GRIP1: variants seen among roughly 807,000 people sequenced by gnomAD.
GRIP1 encodes the protein glutamate receptor-interacting protein 1.
In GRIP1, 45 loss-of-function variants were observed where a neutral mutation model predicts 129.9. That is an observed-to-expected ratio of 0.35 (90% CI 0.27 to 0.44). GRIP1 has a LOEUF of 0.44. GRIP1 is among the 20% of genes least tolerant of loss of function. The pLI is 1.00. For synonymous variants in GRIP1, 530 were observed against 520.8 expected, an observed-to-expected ratio of 1.02 and a Z score of -0.24; for missense variants, 1,196 against 1,396.8, an observed-to-expected ratio of 0.86 and a Z score of 2.29.
chr12:66,714,567 A>C (rs2035810018), intron 1 of GRIP1, among the ~76,000 whole-genome samples: 1 of 152,048 alleles, frequency 6.6e-6, no homozygotes. Flanking sequence ...CCAGCACAAA[A>C]TGTTTACTCC....
chr12:66,814,589 TAAA>T (rs79461500), intron 1 of GRIP1, among the ~76,000 whole-genome samples: 5 of 108,408 alleles, frequency 4.6e-5, no homozygotes, highest in Non-Finnish European at 5.8e-5. Context: ...AGTGATACCA[TAAA>T]AAAAAAAAAA....
At chr12:66,988,676 T>G (rs2042350891) in intron 1 of GRIP1, among the ~76,000 whole-genome samples, 1 of 152,172 alleles carries the variant, frequency 6.6e-6, no homozygotes, top group Non-Finnish European at 1.5e-5. Context: ...CGCACCCAGC[T>G]AAGAACCTGT....
At chr12:67,022,061 TACTTA>T (rs2042875247) in intron 1 of GRIP1, among the ~76,000 whole-genome samples, 1 of 152,182 alleles carries the variant, frequency 6.6e-6, no homozygotes. Context: ...TGTTGATAGA[TACTTA>T]GGTTGATTCC....
chr12:66,561,279 A>G (rs1389585096), intron 2 of GRIP1, among the ~76,000 whole-genome samples: 1 of 152,176 alleles, frequency 6.6e-6, no homozygotes, highest in African/African-American at 2.4e-5. Context: ...ATAACACAGC[A>G]GGTGACTATA....
At chr12:66,860,373 C>T (rs922556274) in intron 1 of GRIP1, among the ~76,000 whole-genome samples, 3 of 152,150 alleles carry the variant, frequency 2.0e-5, no homozygotes, top group Middle Eastern at 3.4e-3. Context: ...GTACCAAACA[C>T]GGGCACTTGG....
At chr12:66,366,302 C>G (rs1056561289) in intron 23 of GRIP1, among the ~76,000 whole-genome samples, 4 of 152,170 alleles carry the variant, frequency 2.6e-5, no homozygotes, top group African/African-American at 9.7e-5. Context: ...GTTCCTGACT[C>G]AGAGAGATAT....
chr12:66,628,155 T>C (rs530840043), intron 1 of GRIP1, among the ~76,000 whole-genome samples: 2 of 152,304 alleles, frequency 1.3e-5, no homozygotes, highest in East Asian at 1.9e-4. Context: ...ATTCTTCAAA[T>C]GTCATCTCTT....
intron 13 of GRIP1, among the ~76,000 whole-genome samples, chr12:66,442,701 T>TA (rs1308120543): frequency 1.3e-4 from 19 of 150,020 alleles, no homozygotes; most frequent in East Asian, 6.1e-4. Flanking sequence ...CAGGCTAATT[T>TA]AAAAAAAATT....
At chr12:66,925,834 G>T (rs1230737675) in intron 1 of GRIP1, among the ~76,000 whole-genome samples, 1 of 152,130 alleles carries the variant, frequency 6.6e-6, no homozygotes, top group Non-Finnish European at 1.5e-5. Flanking sequence ...AGTAGAGACA[G>T]TGTTTCTCCA....
intron 2 of GRIP1, among the ~76,000 whole-genome samples, chr12:66,570,262 T>A (rs546469764): frequency 7.9e-5 from 12 of 152,082 alleles, no homozygotes. Flanking sequence ...GGAATACAGG[T>A]GCATGCCACC....
chr12:66,615,213 C>A (rs1400051619), intron 1 of GRIP1, among the ~76,000 whole-genome samples: 4 of 151,818 alleles, frequency 2.6e-5, no homozygotes, highest in African/African-American at 9.7e-5. Context: ...TAATGATGTA[C>A]AGAAATCCTA....
intron 11 of GRIP1, 52 bp downstream of exon 11, chr12:66,455,357 T>A: frequency 6.4e-7 from 1 of 1,560,662 alleles, no homozygotes; most frequent in Non-Finnish European, 8.8e-7. Flanking sequence ...CAAGGCTCCA[T>A]TGCCCACAGG....
intron 2 of GRIP1, chr12:66,563,848 C>T (rs2062630687): frequency 6.6e-6 from 1 of 152,094 alleles, no homozygotes; most frequent in Non-Finnish European, 1.5e-5. Flanking sequence ...CCCTGAGAAA[C>T]CATTGCAATA....
At chr12:66,952,924 A>T (rs2041780921) in intron 1 of GRIP1, among the ~76,000 whole-genome samples, 1 of 152,232 alleles carries the variant, frequency 6.6e-6, no homozygotes, top group African/African-American at 2.4e-5. Context: ...CAAGTTTACG[A>T]TTAGAGCTAC....
chr12:66,921,995 A>G (rs1269966770), intron 1 of GRIP1, among the ~76,000 whole-genome samples: 1 of 152,232 alleles, frequency 6.6e-6, no homozygotes, highest in Non-Finnish European at 1.5e-5. Context: ...TGCTTCCATA[A>G]ACAGAGACAT....
intron 5 of GRIP1, among the ~76,000 whole-genome samples, chr12:66,519,951 T>G (rs2086065049): frequency 6.6e-6 from 1 of 152,180 alleles, no homozygotes; most frequent in Non-Finnish European, 1.5e-5. Context: ...AATTTAACCC[T>G]CCAAGGTTTA....
intron 1 of GRIP1, among the ~76,000 whole-genome samples, chr12:66,624,640 A>C (rs1352382560): frequency 2.0e-5 from 3 of 152,180 alleles, no homozygotes; most frequent in Admixed American, 6.6e-5. Flanking sequence ...ATAATAGCAT[A>C]TACATTCATT....
At position 66,780,986 on chromosome 12, in the gene GRIP1, T is replaced by C. The variant is rs549088648; in HGVS notation, c.-420+23067A>G. Among the ~76,000 whole-genome samples, 5 of 152,278 alleles carry C rather than the reference T, an allele frequency of 3.3e-5. No individual in the cohort carries two copies. The South Asian group carries it at 1.0e-3, about 32-fold the overall frequency. ...AGCGTGGAGCAGGCAAACTGTCTGC[T>C]GTGCTCCATCTGAATCCCTGACCCA... On this transcript the variant is annotated intron_variant, in intron 1 of 4. Transcript: ENST00000538373.
At chr12:66,566,666 T>C (rs1156647345) in intron 2 of GRIP1, among the ~76,000 whole-genome samples, 5 of 152,238 alleles carry the variant, frequency 3.3e-5, no homozygotes. Context: ...TTCCCTCTTT[T>C]TCTATTGATT....
Sources: gnomAD v4.1 joint callset for allele counts (sites outside exome capture counted in the v4.1 genomes callset) on GRCh38, gnomAD v4.1.1 for gene constraint, MANE v1.5 for transcripts, NCBI Gene and HGNC (gene_info 2026-07-23, HGNC 2026-07-21) for gene names.